Variants in FBXW8 observed in about 807,000 individuals in gnomAD.
The protein encoded by FBXW8 is F-box/WD repeat-containing protein 8.
FBXW8 carries 57 observed loss-of-function variants against 65.3 expected under a neutral mutation model. The ratio of observed to expected loss-of-function variants is 0.87; its 90% CI spans 0.71 to 1.09. FBXW8 has a LOEUF of 1.09. Among genes scored for constraint, FBXW8 ranks in the 50% least tolerant of loss-of-function variants. The probability of loss-of-function intolerance (pLI) is 0.00; values close to 1 mark genes in which losing one functional copy is unlikely to be tolerated. For synonymous variants in FBXW8, 308 were observed against 330.2 expected, an observed-to-expected ratio of 0.93 and a Z score of 0.73; for missense variants, 777 against 814.8, an observed-to-expected ratio of 0.95 and a Z score of 0.57.
At chr12:116,969,953 C>T (rs1478400689) in intron 5 of FBXW8, among the ~76,000 whole-genome samples, 2 of 152,132 alleles carry the variant, frequency 1.3e-5, no homozygotes, top group Non-Finnish European at 2.9e-5. Flanking sequence ...TTGATTTTAC[C>T]ACTAATTGTG....
chr12:116,931,006 C>T (rs1336677313), intron 2 of FBXW8, among the ~76,000 whole-genome samples: 1 of 152,154 alleles, frequency 6.6e-6, no homozygotes, highest in Non-Finnish European at 1.5e-5. Context: ...CAGGGTCTTG[C>T]TTTGTTACCC....
intron 4 of FBXW8, among the ~76,000 whole-genome samples, chr12:116,963,143 C>T (rs905375192): frequency 3.9e-5 from 6 of 152,226 alleles, no homozygotes; most frequent in African/African-American, 1.4e-4. Context: ...CACATGCGCA[C>T]TCTCTGGGTG....
chr12:117,013,902 G>GTT (rs926803906), intron 8 of FBXW8, among the ~76,000 whole-genome samples: 2 of 140,630 alleles, frequency 1.4e-5, no homozygotes, highest in Non-Finnish European at 1.6e-5. Flanking sequence ...GTAATCACTT[G>GTT]TTTTTTTTTT....
intron 2 of FBXW8, among the ~76,000 whole-genome samples, chr12:116,929,614 T>C (rs1215113540): frequency 1.3e-5 from 2 of 152,230 alleles, no homozygotes; most frequent in Non-Finnish European, 2.9e-5. Flanking sequence ...AGGTATAACA[T>C]GATTTTTGAA....
chr12:116,986,090 C>G (rs1885657780), intron 6 of FBXW8: 1 of 152,202 alleles, frequency 6.6e-6, no homozygotes, highest in Non-Finnish European at 1.5e-5. Flanking sequence ...TTAATTTAAA[C>G]AAACTTGATT....
chr12:116,945,328 C>T, intron 2 of FBXW8, 36 bp from the exon 3 acceptor site: 1 of 1,585,110 alleles, frequency 6.3e-7, no homozygotes, highest in African/African-American at 1.3e-5. Flanking sequence ...TCTCTAATTG[C>T]AGAATTTGAC....
Position 116,928,014 on chromosome 12 carries a change from TC to T in FBXW8, c.319-5del, listed in dbSNP as rs753858787. The T allele has an allele frequency of 1.3e-6, 2 of 1,504,748 alleles. No individual in the cohort carries two copies. Among genetic ancestry groups the T allele is most frequent in the Admixed American group, 2.1e-5 (1 of 47,378 alleles). 93.2% of individuals were successfully genotyped at this position (1,504,748 alleles called of 1,614,324 possible). On this transcript the variant is annotated splice_region_variant and splice_polypyrimidine_tract_variant and intron_variant, in intron 1 of 10. Coordinates refer to ENST00000652555, the MANE Select transcript of FBXW8 (RefSeq NM_153348.3). ...ATTATAAACTTCTTTCTTTTTTTTT[TC>T]CCCTCAGAATGAAATGAATGATGTG...
chr12:116,974,047 A>G (rs1235241759), intron 5 of FBXW8, among the ~76,000 whole-genome samples: 1 of 152,218 alleles, frequency 6.6e-6, no homozygotes, highest in Non-Finnish European at 1.5e-5. Flanking sequence ...GCCCACAGTT[A>G]CACCAGCTCA....
chr12:116,957,948 C>T (rs1166831945), intron 4 of FBXW8, among the ~76,000 whole-genome samples: 1 of 152,150 alleles, frequency 6.6e-6, no homozygotes, highest in East Asian at 1.9e-4. Context: ...TTGATAAATA[C>T]TGGTGAACTC....
chr12:116,985,767 A>G (rs1427096099), intron 6 of FBXW8: 2 of 178,938 alleles, frequency 1.1e-5, no homozygotes, highest in South Asian at 3.0e-4. Context: ...GACCTAATAT[A>G]TAAGTGAGAA....
At chr12:116,920,224 C>T (rs1406774820) in intron 1 of FBXW8, among the ~76,000 whole-genome samples, 1 of 152,204 alleles carries the variant, frequency 6.6e-6, no homozygotes, top group Non-Finnish European at 1.5e-5. Context: ...AATTAGCAGG[C>T]CTCCACTTAC....
At chr12:116,984,854 G>A (rs1885554220) in intron 5 of FBXW8, among the ~76,000 whole-genome samples, 1 of 152,144 alleles carries the variant, frequency 6.6e-6, no homozygotes, top group Admixed American at 6.5e-5. Context: ...GCTGGGTATG[G>A]TGGCACACGC....
chr12:116,947,152 C>T (rs751663253), intron 3 of FBXW8, among the ~76,000 whole-genome samples: 3 of 152,164 alleles, frequency 2.0e-5, no homozygotes, highest in Admixed American at 1.3e-4. Context: ...GCATTTGGCA[C>T]TTAGTAACAC....
chr12:116,994,508 C>T (rs1953331280), intron 7 of FBXW8, among the ~76,000 whole-genome samples: 1 of 152,212 alleles, frequency 6.6e-6, no homozygotes, highest in Admixed American at 6.5e-5. Context: ...GTTTCTCTAT[C>T]TGGAGCCAAA....
intron 7 of FBXW8, among the ~76,000 whole-genome samples, chr12:117,008,164 A>G (rs1237566538): frequency 6.6e-6 from 1 of 152,208 alleles, no homozygotes; most frequent in Non-Finnish European, 1.5e-5. Context: ...TCAGTATCAG[A>G]TTTCAGTTCT....
intron 1 of FBXW8, among the ~76,000 whole-genome samples, chr12:116,923,199 C>G (rs1761602863): frequency 6.6e-6 from 1 of 151,930 alleles, no homozygotes; most frequent in Non-Finnish European, 1.5e-5. Flanking sequence ...GAGCGAGACT[C>G]TGTCTCAAAA....
intron 2 of FBXW8, among the ~76,000 whole-genome samples, chr12:116,940,567 A>G (rs545027939): frequency 1.1e-4 from 16 of 149,454 alleles, no homozygotes; most frequent in African/African-American, 1.5e-4. Context: ...AATTGGGGTT[A>G]CTGTTGCGAG....
Position 116,942,195 on chromosome 12 carries a change from A to ATT in FBXW8, c.424-3156_424-3155dup, listed in dbSNP as rs758383181. 4.0e-3 allele frequency among the ~76,000 whole-genome samples: 572 copies of ATT among 141,986 alleles called. 8 individuals are homozygous for ATT. Among genetic ancestry groups the ATT allele is most frequent in the African/African-American group, 0.014 (536 of 39,032 alleles). The allele number at this position is 141,986 out of a possible 152,430, so 93.1% of individuals were successfully genotyped here. ...AGGCACACACCATCACATCTGGCTAATTTTTTTTTTTTTTGTAGAGATGGG... is the reference window on the plus strand; with the variant it reads ...AGGCACACACCATCACATCTGGCTAATTTTTTTTTTTTTTTTGTAGAGATGGG... On this transcript the variant is annotated intron_variant, in intron 2 of 10. Transcript: ENST00000652555.
At chr12:116,919,239 C>T (rs1247781246) in intron 1 of FBXW8, among the ~76,000 whole-genome samples, 4 of 152,174 alleles carry the variant, frequency 2.6e-5, no homozygotes, top group Non-Finnish European at 4.4e-5. Context: ...TCCTTGTCCT[C>T]AGAGAGCCTA....
Sources: allele counts gnomAD v4.1 joint callset (sites outside exome capture counted in the v4.1 genomes callset), GRCh38; gene constraint gnomAD v4.1.1; transcripts MANE v1.5; gene names NCBI Gene and HGNC (gene_info 2026-07-23, HGNC 2026-07-21).